ANGPT1: variants seen among roughly 807,000 people sequenced by gnomAD.
ANGPT1 encodes the protein angiopoietin-1.
A neutral mutation model predicts 62.2 loss-of-function variants in ANGPT1; 17 were observed. The ratio of observed to expected loss-of-function variants is 0.27; its 90% confidence interval spans 0.19 to 0.41. The LOEUF is 0.41. Ranked by LOEUF, ANGPT1 falls within the 10% of genes least tolerant of loss-of-function variation. ANGPT1 has a pLI of 1.00. For missense variants in ANGPT1, 478 were observed against 594.9 expected, an observed-to-expected ratio of 0.80 and a Z score of 2.04; for synonymous variants, 199 against 198.9, an observed-to-expected ratio of 1.00 and a Z score of 0.00.
In ANGPT1 at chr8:107,289,674, G is replaced by C. The variant is rs145545564; in HGVS notation, c.1038+4262C>G. The stretch of plus-strand genomic sequence containing the variant: ...AAGATGTTAAAATATAGCTGAAAAT[G>C]TGCTCTCAACTTCTTTCCAGAAACA... On this transcript the variant is annotated intron_variant, in intron 6 of 8. Coordinates refer to ENST00000517746, the MANE Select transcript of ANGPT1 (RefSeq NM_001146.5). Among the ~76,000 whole-genome samples the C allele has an allele frequency of 4.9e-4, 75 of 152,192 alleles. 2 individuals carry two copies. The East Asian group carries it at 6.2e-3, about 13-fold the overall frequency.
chr8:107,278,949 T>C (rs1813929937), intron 7 of ANGPT1, among the ~76,000 whole-genome samples: 2 of 152,202 alleles, frequency 1.3e-5, no homozygotes, highest in South Asian at 2.1e-4. Context: ...GTAAGACTCA[T>C]CATGGCTCTG....
At chr8:107,279,557 T>G (rs1280490295) in intron 7 of ANGPT1, among the ~76,000 whole-genome samples, 1 of 152,196 alleles carries the variant, frequency 6.6e-6, no homozygotes, top group African/African-American at 2.4e-5. Context: ...TCAGTGCCTG[T>G]GACCTTGTGC....
At chr8:107,371,877 T>C (rs1450253397) in intron 1 of ANGPT1, among the ~76,000 whole-genome samples, 3 of 152,180 alleles carry the variant, frequency 2.0e-5, no homozygotes, top group African/African-American at 4.8e-5. Context: ...TTCCAACTTA[T>C]TGCTCTTCTG....
chr8:107,284,709 T>A lies in ANGPT1; in HGVS notation c.1178A>T (p.His393Leu), dbSNP rs1012818729. 24 of 1,577,578 alleles carry A rather than the reference T, an allele frequency of 1.5e-5. No homozygotes were observed. Among genetic ancestry groups the A allele is most frequent in the Non-Finnish European group, 2.1e-5 (24 of 1,158,178 alleles). ...ATAGTTTTGCTTTTCATTTCCTATG[T>A]GGAATCTGTCATACTGTGAATAGGC... Reference protein sequence around the residue: ...NRAYSQYDRFHIGNEKQNYRL... With the variant: ...NRAYSQYDRFLIGNEKQNYRL... Residue 393 changes from histidine to leucine, a missense_variant, in exon 7 of 9, where the codon CAC becomes CTC. Coordinates refer to ENST00000517746, the MANE Select transcript of ANGPT1 (RefSeq NM_001146.5).
chr8:107,349,122 T>TTAGATAGATGA (rs1554584811), intron 1 of ANGPT1, among the ~76,000 whole-genome samples: 1 of 143,802 alleles, frequency 7.0e-6, no homozygotes, highest in Non-Finnish European at 1.5e-5. Flanking sequence ...GATAAGGAGA[T>TTAGATAGATGA]TAGATAGATA....
At chr8:107,375,463 G>A (rs1488401635) in intron 1 of ANGPT1, among the ~76,000 whole-genome samples, 1 of 152,084 alleles carries the variant, frequency 6.6e-6, no homozygotes, top group Admixed American at 6.5e-5. Flanking sequence ...TCAATACAGA[G>A]CTCTCAAATT....
intron 1 of ANGPT1, among the ~76,000 whole-genome samples, chr8:107,364,889 C>T (rs1266605850): frequency 6.6e-6 from 1 of 152,034 alleles, no homozygotes; most frequent in African/African-American, 2.4e-5. Flanking sequence ...GCAGTGAACG[C>T]AGTTCCTAGA....
At chr8:107,294,899 G>A (rs897615098) in intron 5 of ANGPT1, 2 of 152,056 alleles carry the variant, frequency 1.3e-5, no homozygotes, top group South Asian at 2.1e-4. Context: ...ATTATTCAAC[G>A]GGGACTATGG....
intron 1 of ANGPT1, among the ~76,000 whole-genome samples, chr8:107,389,794 A>G (rs1382423406): frequency 1.3e-5 from 2 of 152,190 alleles, no homozygotes; most frequent in Non-Finnish European, 2.9e-5. Context: ...TTCAAACAAC[A>G]GCGTTTTAGA....
At chr8:107,451,534 C>G (rs73313666) in intron 1 of ANGPT1, among the ~76,000 whole-genome samples, 6,891 of 151,936 alleles carry the variant, frequency 0.045, 550 homozygotes, top group African/African-American at 0.16. Context: ...AGAATCAGAT[C>G]TATATCCATA....
intron 1 of ANGPT1, among the ~76,000 whole-genome samples, chr8:107,445,956 CA>C (rs779838905): frequency 1.3e-4 from 20 of 152,238 alleles, no homozygotes; most frequent in Non-Finnish European, 1.9e-4. Context: ...CTAGCTCTGT[CA>C]CCCAGGCTGG....
intron 1 of ANGPT1, among the ~76,000 whole-genome samples, chr8:107,453,574 T>TTAAAAAAAAAAAAGATCTTGAA (rs1811839225): frequency 6.6e-6 from 1 of 152,006 alleles, no homozygotes; most frequent in African/African-American, 2.4e-5. Flanking sequence ...ATGATTCAAT[T>TTAAAAAAAAAAAAGATCTTGAA]ACTTCCCACT....
rs187865573 is a variant in ANGPT1 at position 107,384,818 on chromosome 8, A to T, written c.298-37721T>A. Among the ~76,000 whole-genome samples the T allele has an allele frequency of 1.3e-3, 198 of 152,238 alleles. 1 individual carries two copies. The highest frequency in any genetic ancestry group is 4.7e-3 in the African/African-American group (196 of 41,546). Reference sequence around the variant, plus strand: ...TGTATAAGGTGAAAGGTGGGGGTCTAGTTTCAATCTTCTACATATGGCTAG... The same window carrying T: ...TGTATAAGGTGAAAGGTGGGGGTCTTGTTTCAATCTTCTACATATGGCTAG... On this transcript the variant is annotated intron_variant, in intron 1 of 8. Transcript: ENST00000517746.
chr8:107,381,668 TCCCTG>T (rs1816639787), intron 1 of ANGPT1, among the ~76,000 whole-genome samples: 1 of 152,154 alleles, frequency 6.6e-6, no homozygotes, highest in African/African-American at 2.4e-5. Flanking sequence ...TTCAAGGGAA[TCCCTG>T]CTAGCAAGAT....
At chr8:107,341,593 TATAA>T (rs1330853440) in intron 2 of ANGPT1, among the ~76,000 whole-genome samples, 3 of 148,218 alleles carry the variant, frequency 2.0e-5, no homozygotes, top group African/African-American at 7.4e-5. Context: ...TTTATTTATA[TATAA>T]ATATATTTTA....
chr8:107,420,536 T>C (rs1276138991), intron 1 of ANGPT1, among the ~76,000 whole-genome samples: 1 of 152,186 alleles, frequency 6.6e-6, no homozygotes, highest in Non-Finnish European at 1.5e-5. Flanking sequence ...CATCATAAAT[T>C]TGATAGAACA....
intron 1 of ANGPT1, among the ~76,000 whole-genome samples, chr8:107,410,260 C>A (rs1007729869): frequency 2.0e-4 from 30 of 152,202 alleles, no homozygotes; most frequent in African/African-American, 6.8e-4. Context: ...TGCCAAGAAA[C>A]CTTTTAACGC....
At chr8:107,454,680 C>T (rs545105136) in intron 1 of ANGPT1, among the ~76,000 whole-genome samples, 43 of 152,088 alleles carry the variant, frequency 2.8e-4, no homozygotes, top group Admixed American at 2.0e-3. Flanking sequence ...TCATAAATGC[C>T]GACTTGAAAT....
chr8:107,281,671 G>A (rs770856237), intron 7 of ANGPT1, among the ~76,000 whole-genome samples: 2 of 152,148 alleles, frequency 1.3e-5, no homozygotes, highest in Non-Finnish European at 2.9e-5. Context: ...CCAGCTACTA[G>A]AGAGGCTGAG....
Sources: allele counts gnomAD v4.1 joint callset (sites outside exome capture counted in the v4.1 genomes callset), GRCh38; gene constraint gnomAD v4.1.1; transcripts MANE v1.5; gene names NCBI Gene and HGNC (gene_info 2026-07-23, HGNC 2026-07-21).